Variants in CASZ1 observed in about 807,000 individuals in gnomAD.
CASZ1 encodes castor zinc finger 1.
Under a neutral mutation model 135.2 loss-of-function variants are expected in CASZ1, and 28 were observed. The ratio of observed to expected loss-of-function variants is 0.21; its 90% CI spans 0.15 to 0.28. The LOEUF (loss-of-function observed/expected upper bound fraction) is 0.28. CASZ1 is among the 10% of genes least tolerant of loss of function. CASZ1 has a pLI of 1.00. For synonymous variants in CASZ1, 1,068 were observed against 1,073.4 expected, an observed-to-expected ratio of 0.99 and a Z score of 0.10; for missense variants, 2,161 against 2,453.3, an observed-to-expected ratio of 0.88 and a Z score of 2.52.
chr1:10,686,399 G>A (rs907502795), intron 4 of CASZ1, among the ~76,000 whole-genome samples: 3 of 152,216 alleles, frequency 2.0e-5, no homozygotes, highest in African/African-American at 7.2e-5. Context: ...CCAACTATGG[G>A]GCAGCCCTGG....
rs1639285798 is a variant in CASZ1 at position 10,711,543 on chromosome 1, C to T, written c.-76-5999G>A. 6.6e-6 allele frequency among the ~76,000 whole-genome samples: 1 copy of T among 151,054 alleles called. No individual in the cohort carries two copies. The highest frequency in any genetic ancestry group is 1.5e-5 in the Non-Finnish European group (1 of 67,892). On this transcript the variant is annotated intron_variant, in intron 2 of 20. Transcript: ENST00000377022. The surrounding 1 kb of genome is among the most constrained non-coding windows in gnomAD (Gnocchi z 4.4). Reference sequence around the variant, plus strand: ...AGAAGCTAGGAGAGATGGTGCAATTCCATTCCCAGGCATATACCAGAAAAA... The same window carrying T: ...AGAAGCTAGGAGAGATGGTGCAATTTCATTCCCAGGCATATACCAGAAAAA...
At chr1:10,673,435 G>A (rs1230674870) in intron 4 of CASZ1, among the ~76,000 whole-genome samples, 1 of 152,054 alleles carries the variant, frequency 6.6e-6, no homozygotes, top group Non-Finnish European at 1.5e-5. Context: ...GGGAGGGGGA[G>A]GTTGTGTGTG....
In CASZ1 at chr1:10,739,961, G is replaced by A. The variant is rs946983107; in HGVS notation, c.-77+20740C>T. ...CCACAGCCAACCCACCACACAGGTG[G>A]AGCCCATGGACAAGGTCTCATTCCA... On this transcript the variant is annotated intron_variant, in intron 2 of 20. Coordinates refer to ENST00000377022, the MANE Select transcript of CASZ1 (RefSeq NM_001079843.3). This position sits in a 1 kb window ranked among gnomAD's most constrained non-coding sequence, Gnocchi z 4.8. 1.3e-5 allele frequency among the ~76,000 whole-genome samples: 2 copies of A among 152,162 alleles called. No homozygotes were observed. The highest frequency in any genetic ancestry group is 4.1e-4 in the South Asian group (2 of 4,830).
intron 2 of CASZ1, among the ~76,000 whole-genome samples, chr1:10,748,929 G>T (rs1470693781): frequency 3.3e-5 from 5 of 152,178 alleles, no homozygotes; most frequent in African/African-American, 1.2e-4. Context: ...TCAGTCTGGT[G>T]AGGCCTCCCT....
chr1:10,642,135 G>A (rs1262409691), intron 20 of CASZ1: 4 of 149,534 alleles, frequency 2.7e-5, no homozygotes, highest in African/African-American at 7.4e-5. Flanking sequence ...GGCCGGCTCC[G>A]AGAGTGGCAC....
In CASZ1 at chr1:10,654,424, G is replaced by A. The variant is rs1055888471; in HGVS notation, c.1833C>T (p.His611=). The A allele has an allele frequency of 6.2e-7, 1 of 1,613,642 alleles. No homozygotes were observed. Among genetic ancestry groups the A allele is most frequent in the African/African-American group, 1.3e-5 (1 of 74,924 alleles). The change falls in exon 10 of 21, where the codon CAC becomes CAT. Residue 611 remains histidine, a synonymous_variant. Coordinates refer to ENST00000377022, the MANE Select transcript of CASZ1 (RefSeq NM_001079843.3). ...QFYGQKTTHF[H]CRRPGCTFTF... Reference sequence around the variant, plus strand: ...CCCACCAGGCTCCCGCTTACCTGCAGTGGAAGTGCGTGGTCTTCTGTCCGT... The same window carrying A: ...CCCACCAGGCTCCCGCTTACCTGCAATGGAAGTGCGTGGTCTTCTGTCCGT...
At chr1:10,787,667 G>T (rs1019701255) in intron 1 of CASZ1, among the ~76,000 whole-genome samples, 7 of 151,674 alleles carry the variant, frequency 4.6e-5, no homozygotes, top group Non-Finnish European at 8.8e-5. Context: ...ACACACACAC[G>T]CATACACACA....
chr1:10,639,686 G>T lies in CASZ1; in HGVS notation c.4536C>A (p.Ser1512Arg), dbSNP rs772427446. ...HFADCPFSGT[S>R]THFHCLRCRF... Reference sequence around the variant, plus strand: ...GGCAGCGCAGGCAGTGGAAGTGCGTGCTGGTGCCCGAGAAGGGGCAGTCGG... The same window carrying T: ...GGCAGCGCAGGCAGTGGAAGTGCGTTCTGGTGCCCGAGAAGGGGCAGTCGG... The change falls in exon 21 of 21, where the codon AGC becomes AGA. Residue 1512 changes from serine to arginine, a missense_variant. Ser to Arg is a moderately radical substitution (Grantham distance 110). Around this residue, in one of 7 missense-constraint regions of CASZ1, gnomAD observed 240 missense variants for 321.4 expected, o/e 0.75. Transcript: ENST00000377022. The surrounding 1 kb of genome is among the most constrained non-coding windows in gnomAD (Gnocchi z 4.0). 1.3e-6 allele frequency: 2 copies of T among 1,597,914 alleles called. No homozygotes were observed. The highest frequency in any genetic ancestry group is 1.7e-5 in the Admixed American group (1 of 57,540).
chr1:10,654,770 C>T (rs1642732676), intron 9 of CASZ1, among the ~76,000 whole-genome samples, 179 bp from the exon 10 acceptor site: 2 of 152,226 alleles, frequency 1.3e-5, no homozygotes, highest in South Asian at 2.1e-4. Flanking sequence ...AAGCCTCCAA[C>T]AGCCCCTCAG....
chr1:10,796,456 TG>T (rs3059010), intron 1 of CASZ1, 107 bp downstream of exon 1: 97,486 of 148,168 alleles, frequency 0.66, 33,797 homozygotes, highest in Middle Eastern at 0.82. Context: ...GCCCCGGGGG[TG>T]GGGGGGGTGC....
At chr1:10,664,382 A>T (rs960319094) in intron 5 of CASZ1, among the ~76,000 whole-genome samples, 1 of 149,114 alleles carries the variant, frequency 6.7e-6, no homozygotes, top group Non-Finnish European at 1.5e-5. Flanking sequence ...GCTGCTCTCG[A>T]TCCCCAGGAC....
rs773117408 is a variant in CASZ1, at chr1:10,649,455, C to T, written c.2881-18G>A. The T allele has an allele frequency of 1.3e-5, 21 of 1,596,036 alleles. No homozygotes were observed. Among genetic ancestry groups the T allele is most frequent in the Middle Eastern group, 3.5e-4 (2 of 5,730 alleles). ...TGAGACATCTGTGAGGGACAGAGGC[C>T]GAGCATGGGGCTGGGGTAGCTTAGA... On this transcript the variant is annotated intron_variant, in intron 13 of 20. Coordinates refer to ENST00000377022, the MANE Select transcript of CASZ1 (RefSeq NM_001079843.3).
In CASZ1 at chr1:10,724,234, C is replaced by T. The variant is rs1639555709; in HGVS notation, c.-76-18690G>A. ...GTGGTCAGAGCCGGGCTATAAATAG[C>T]CAGCAAATCATTTCCCAGAGCCACG... On this transcript the variant is annotated intron_variant, in intron 2 of 20. Transcript: ENST00000377022. This position sits in a 1 kb window ranked among gnomAD's most constrained non-coding sequence, Gnocchi z 4.1. 6.6e-6 allele frequency among the ~76,000 whole-genome samples: 1 copy of T among 152,180 alleles called. No individual in the cohort carries two copies. The highest frequency in any genetic ancestry group is 1.5e-5 in the Non-Finnish European group (1 of 68,040).
intron 1 of CASZ1, among the ~76,000 whole-genome samples, chr1:10,789,251 C>T (rs530227531): frequency 4.2e-4 from 64 of 150,822 alleles, no homozygotes; most frequent in Admixed American, 9.2e-4. Context: ...TGGGTCATCT[C>T]AGACAACCCA....
At chr1:10,690,806 G>A (rs1638742689) in intron 4 of CASZ1, among the ~76,000 whole-genome samples, 1 of 152,230 alleles carries the variant, frequency 6.6e-6, no homozygotes, top group South Asian at 2.1e-4. Context: ...AAGAGAAGGG[G>A]CAACTATCAT....
rs1480695551 is a variant in CASZ1 at position 10,654,569 on chromosome 1, G to A, written c.1688C>T (p.Thr563Met). The part of the protein sequence containing the change: ...CMQVGCNKVY[T>M]STSDVMTHEN... ...GTGGGTCATCACGTCAGACGTGCTC[G>A]TGTACACCTTGTTACAGCCCACCTG... The change falls in exon 10 of 21, where the codon ACG becomes ATG. Residue 563 changes from threonine to methionine, a missense_variant. This residue lies in a region of CASZ1 where 248 missense variants were observed against 410.8 expected (regional missense o/e 0.60). Coordinates refer to ENST00000377022, the MANE Select transcript of CASZ1 (RefSeq NM_001079843.3). 1.9e-6 allele frequency: 3 copies of A among 1,614,208 alleles called. No homozygotes were observed. Among genetic ancestry groups the A allele is most frequent in the South Asian group, 1.1e-5 (1 of 91,086 alleles).
chr1:10,731,031 G>T (rs141551748), intron 2 of CASZ1, among the ~76,000 whole-genome samples: 1 of 152,044 alleles, frequency 6.6e-6, no homozygotes. Context: ...ACTTGAACCC[G>T]GGAGGCAGAA....
intron 4 of CASZ1, among the ~76,000 whole-genome samples, chr1:10,672,441 G>T (rs1643435524): frequency 1.3e-5 from 2 of 149,990 alleles, no homozygotes; most frequent in East Asian, 2.0e-4. Flanking sequence ...GGGACGGACA[G>T]TGATCCTTCA....
rs745681333 is a variant in CASZ1 at position 10,643,820 on chromosome 1, C to T, written c.3869-509G>A. Among the ~76,000 whole-genome samples, 30 of 152,322 alleles carry T rather than the reference C, an allele frequency of 2.0e-4. No individual in the cohort carries two copies. The Middle Eastern group carries it at 0.014, about 69-fold the overall frequency. On this transcript the variant is annotated intron_variant, in intron 18 of 20. Transcript: ENST00000377022. The stretch of plus-strand genomic sequence containing the variant: ...CTGTCCGCTGCCATGGCGCCCAGGC[C>T]GGCCAGGTGTCTTCTGTCATCCCCC...
Sources: gnomAD v4.1 joint callset for allele counts (sites outside exome capture counted in the v4.1 genomes callset) on GRCh38, gnomAD v4.1.1 for gene constraint, gnomAD v4.1.1 regional missense constraint, Gnocchi (gnomAD v3.1) non-coding constraint, MANE v1.5 for transcripts, NCBI Gene and HGNC (gene_info 2026-07-23, HGNC 2026-07-21) for gene names.